PRPF38A: variants seen among roughly 807,000 people sequenced by gnomAD.
PRPF38A encodes pre-mRNA processing factor 38A, also known as pre-mRNA-splicing factor 38A.
Under a neutral mutation model 46.8 loss-of-function variants are expected in PRPF38A, and 11 were observed. The ratio of observed to expected loss-of-function variants is 0.24; its 90% CI spans 0.15 to 0.39. The LOEUF (loss-of-function observed/expected upper bound fraction) is 0.39. Among genes scored for constraint, PRPF38A ranks in the 10% least tolerant of loss-of-function variants. PRPF38A has a pLI of 1.00. For missense variants in PRPF38A, 261 were observed against 407.5 expected, an observed-to-expected ratio of 0.64 and a Z score of 3.10; for synonymous variants, 124 against 136.2, an observed-to-expected ratio of 0.91 and a Z score of 0.62.
intron 6 of PRPF38A, among the ~76,000 whole-genome samples, 183 bp from the exon 7 acceptor site, chr1:52,414,438 C>T (rs1455884323): frequency 6.6e-6 from 1 of 152,092 alleles, no homozygotes; most frequent in African/African-American, 2.4e-5. Context: ...TCTCATTAGC[C>T]AAAGCGAGTC....
chr1:52,405,566 C>G (rs1254148035), intron 1 of PRPF38A, 114 bp from the exon 2 acceptor site: 1 of 903,930 alleles, frequency 1.1e-6, no homozygotes, highest in Non-Finnish European at 1.7e-6. Context: ...CACATTCGTT[C>G]TCCTAATATT....
chr1:52,405,018 CCTGCTAAGTGCCTCGT>C, intron 1 of PRPF38A, 139 bp downstream of exon 1: 1 of 912,712 alleles, frequency 1.1e-6, no homozygotes, highest in Non-Finnish European at 1.7e-6. Flanking sequence ...ATTTTGAGTG[CCTGCTAAGTGCCTCGT>C]CTTGTGTTGA....
At position 52,412,641 on chromosome 1, in the gene PRPF38A, T is replaced by A; in HGVS notation, c.609+17T>A. The stretch of plus-strand genomic sequence containing the variant: ...GATGAGAAGGTCTGGCACCTGAGAC[T>A]TTTATGGTTGTAGGGGAGGGAGTAA... On this transcript the variant is annotated intron_variant, in intron 5 of 9. Transcript: ENST00000257181. The A allele has an allele frequency of 6.6e-7, 1 of 1,504,706 alleles. No individual in the cohort carries two copies. The highest frequency in any genetic ancestry group is 9.2e-7 in the Non-Finnish European group (1 of 1,084,254). 93.2% of individuals were successfully genotyped at this position (1,504,706 alleles called of 1,614,324 possible).
Position 52,419,582 on chromosome 1 carries a change from G to A in PRPF38A, c.*2892G>A, listed in dbSNP as rs1648408991. 1 of 151,156 alleles carries A rather than the reference G, an allele frequency of 6.6e-6. No individual in the cohort carries two copies. The highest frequency in any genetic ancestry group is 1.5e-5 in the Non-Finnish European group (1 of 67,894). 9.4% of individuals were successfully genotyped at this position (151,156 alleles called of 1,614,324 possible). Reference sequence around the variant, plus strand: ...CCTGCTCAAAAAAGACAGCAGACATGATCTCTTTAAAAAAAAAAAGTTCAA... The same window carrying A: ...CCTGCTCAAAAAAGACAGCAGACATAATCTCTTTAAAAAAAAAAAGTTCAA... On this transcript the variant is annotated 3_prime_UTR_variant, in exon 10 of 10. Coordinates refer to ENST00000257181, the MANE Select transcript of PRPF38A (RefSeq NM_032864.4).
At chr1:52,410,033 G>A (rs1000138712) in intron 3 of PRPF38A, among the ~76,000 whole-genome samples, 2 of 150,190 alleles carry the variant, frequency 1.3e-5, no homozygotes, top group African/African-American at 4.9e-5. Flanking sequence ...GTATATATAT[G>A]TATTTGTATA....
chr1:52,408,791 T>C (rs2147955491), intron 3 of PRPF38A, 101 bp downstream of exon 3: 1 of 1,372,714 alleles, frequency 7.3e-7, no homozygotes, highest in Non-Finnish European at 1.0e-6. Flanking sequence ...GAATGCTCCT[T>C]TTCATCTACA....
Position 52,414,782 on chromosome 1 carries a change from G to C in PRPF38A, c.770G>C (p.Arg257Thr), listed in dbSNP as rs925065990. Reference sequence around the variant, plus strand: ...TACAGCCCCTCCCCTCGCCGAGAAAGGCATCGGAGCAAGAGTCCAAGACGT... The same window carrying C: ...TACAGCCCCTCCCCTCGCCGAGAAACGCATCGGAGCAAGAGTCCAAGACGT... ...KRRSPSPRRERHRSKSPRRHR... is the reference protein window; with the variant it reads ...KRRSPSPRRETHRSKSPRRHR... Residue 257 changes from arginine (R) to threonine (T), a missense_variant, in exon 8 of 10, where the codon AGG becomes ACG. Around this residue, in one of 2 missense-constraint regions of PRPF38A, gnomAD observed 180 missense variants for 221.0 expected, o/e 0.81. Transcript: ENST00000257181. 4.3e-6 allele frequency: 7 copies of C among 1,614,040 alleles called. No individual in the cohort carries two copies. Among genetic ancestry groups the C allele is most frequent in the Non-Finnish European group, 4.2e-6 (5 of 1,180,040 alleles).
Position 52,414,769 on chromosome 1 carries a change from C to G in PRPF38A, c.757C>G (p.Pro253Ala). Reference sequence around the variant, plus strand: ...GACCAGTCTTTTCTACAGCCCCTCCCCTCGCCGAGAAAGGCATCGGAGCAA... The same window carrying G: ...GACCAGTCTTTTCTACAGCCCCTCCGCTCGCCGAGAAAGGCATCGGAGCAA... The part of the protein sequence containing the change: ...SRSPKRRSPS[P>A]RRERHRSKSP... The change falls in exon 8 of 10, where the codon CCT becomes GCT. Residue 253 changes from proline to alanine, a missense_variant. Coordinates refer to ENST00000257181, the MANE Select transcript of PRPF38A (RefSeq NM_032864.4). 6.2e-7 allele frequency: 1 copy of G among 1,614,140 alleles called. No homozygotes were observed.
At chr1:52,415,252 C>A in intron 8 of PRPF38A, 86 bp from the exon 9 acceptor site, 1 of 1,352,672 alleles carries the variant, frequency 7.4e-7, no homozygotes, top group Non-Finnish European at 1.0e-6. Context: ...AATATTAAGC[C>A]AATGGCAGGT....
rs1176494623 is a variant in PRPF38A at position 52,418,791 on chromosome 1, T to C, written c.*2101T>C. The C allele has an allele frequency of 1.3e-5, 2 of 152,266 alleles. No homozygotes were observed. Among genetic ancestry groups the C allele is most frequent in the East Asian group, 3.8e-4 (2 of 5,200 alleles). The allele number at this position is 152,266 out of a possible 1,614,324, so 9.4% of individuals were successfully genotyped here. A position where few individuals can be genotyped will look rare whatever the true frequency, so the allele number is the denominator to read the frequency against. ...GATGAAGCATTTTAAACTTTTTGAC[T>C]ACAGCATACATTTTAAAAACGTATT... On this transcript the variant is annotated 3_prime_UTR_variant, in exon 10 of 10. Transcript: ENST00000257181.
chr1:52,413,031 A>G (rs1232587808), intron 5 of PRPF38A, among the ~76,000 whole-genome samples: 1 of 152,172 alleles, frequency 6.6e-6, no homozygotes, highest in Non-Finnish European at 1.5e-5. Context: ...TCTAGCCAAA[A>G]ACAATATTTC....
rs1309416859 is a variant in PRPF38A, at chr1:52,408,628, A to G, written c.350A>G (p.Tyr117Cys). The G allele has an allele frequency of 1.2e-6, 2 of 1,614,094 alleles. No homozygotes were observed. The highest frequency in any genetic ancestry group is 1.3e-5 in the African/African-American group (1 of 74,942). Residue 117 changes from tyrosine (Y) to cysteine (C), a missense_variant, in exon 3 of 10, where the codon TAC (tyrosine) becomes TGC (cysteine). Around this residue, in one of 2 missense-constraint regions of PRPF38A, gnomAD observed 81 missense variants for 186.5 expected, o/e 0.43. Transcript: ENST00000257181. ...MRLTGTAIDC[Y>C]KYLEPLYNDY... ...CTGACAGGCACTGCAATTGATTGCT[A>G]CAAGTACTTGGAACCTTTGTACAAT...
intron 5 of PRPF38A, 24 bp downstream of exon 5, chr1:52,412,648 G>A: frequency 1.4e-6 from 2 of 1,423,108 alleles, no homozygotes; most frequent in Non-Finnish European, 2.0e-6. Context: ...GACTTTTATG[G>A]TTGTAGGGGA....
At position 52,405,727 on chromosome 1, in the gene PRPF38A, G is replaced by A; in HGVS notation, c.178G>A (p.Val60Ile). 1 of 1,613,978 alleles carries A rather than the reference G, an allele frequency of 6.2e-7. No homozygotes were observed. The change falls in exon 2 of 10, where the codon GTC (valine) becomes ATC (isoleucine). Residue 60 changes from valine to isoleucine, a missense_variant. Coordinates refer to ENST00000257181, the MANE Select transcript of PRPF38A (RefSeq NM_032864.4). ...CATGGAGTTAAGGTTTGTGGGTGGC[G>A]TCTATGGTGGCAACATAAAACCAAC... ...KAMELRFVGGVYGGNIKPTPF... is the reference protein window; with the variant it reads ...KAMELRFVGGIYGGNIKPTPF...
chr1:52,420,781 T>C lies in PRPF38A; in HGVS notation c.*4091T>C, dbSNP rs983538451. The C allele has an allele frequency of 3.3e-5, 5 of 152,212 alleles. No homozygotes were observed. The highest frequency in any genetic ancestry group is 2.6e-4 in the Admixed American group (4 of 15,286). 9.4% of individuals were successfully genotyped at this position (152,212 alleles called of 1,614,324 possible). On this transcript the variant is annotated 3_prime_UTR_variant, in exon 10 of 10. Coordinates refer to ENST00000257181, the MANE Select transcript of PRPF38A (RefSeq NM_032864.4). ...GAATGATTTTTAAACTTTGTACTTT[T>C]ATATAATGCTTATTTTCTTTTTACA... is the stretch of plus-strand genomic sequence containing the variant.
At chr1:52,413,822 C>T in intron 5 of PRPF38A, 57 bp from the exon 6 acceptor site, 1 of 1,139,074 alleles carries the variant, frequency 8.8e-7, no homozygotes, top group Non-Finnish European at 1.3e-6. Flanking sequence ...AATTAGTGTT[C>T]CTAGATGGCT....
At chr1:52,414,287 CG>C (rs1383877224) in intron 6 of PRPF38A, among the ~76,000 whole-genome samples, 2 of 152,154 alleles carry the variant, frequency 1.3e-5, no homozygotes, top group East Asian at 3.9e-4. Flanking sequence ...GCTTGGATGA[CG>C]GGGGAAATTT....
intron 6 of PRPF38A, among the ~76,000 whole-genome samples, chr1:52,414,382 C>T (rs1388042787): frequency 1.3e-5 from 2 of 152,182 alleles, no homozygotes; most frequent in Non-Finnish European, 2.9e-5. Context: ...CAAACCCGGT[C>T]ATGCAAATGT....
chr1:52,411,882 C>T (rs1192485447), intron 4 of PRPF38A, among the ~76,000 whole-genome samples: 1 of 152,138 alleles, frequency 6.6e-6, no homozygotes, highest in Non-Finnish European at 1.5e-5. Context: ...AAGACAATGT[C>T]TTGCTGTGTT....
Sources: allele counts gnomAD v4.1 joint callset (sites outside exome capture counted in the v4.1 genomes callset), GRCh38; gene constraint gnomAD v4.1.1; regional missense constraint gnomAD v4.1.1; transcripts MANE v1.5; gene names NCBI Gene and HGNC (gene_info 2026-07-23, HGNC 2026-07-21).